Variants in AK8 observed in about 807,000 individuals in gnomAD.
The protein encoded by AK8 is ATP-AMP transphosphorylase 8.
A neutral mutation model predicts 54.6 loss-of-function variants in AK8; 44 were observed. That is an observed-to-expected ratio of 0.81 (90% CI 0.63 to 1.04). AK8 has a LOEUF of 1.04. Among genes scored for constraint, AK8 ranks in the 50% least tolerant of loss-of-function variants. The pLI, the probability that AK8 is intolerant of heterozygous loss-of-function variation, is 0.00. For missense variants in AK8, 555 were observed against 613.6 expected (o/e 0.90, Z 1.01); for synonymous variants, 239 against 245.6 (o/e 0.97, Z 0.25).
chr9:132,854,156 T>C (rs1175631016), intron 5 of AK8, among the ~76,000 whole-genome samples: 1 of 152,186 alleles, frequency 6.6e-6, no homozygotes, highest in Non-Finnish European at 1.5e-5. Flanking sequence ...GCTGTGATCA[T>C]GCCACTGGGG....
intron 11 of AK8, among the ~76,000 whole-genome samples, chr9:132,737,983 G>T (rs1014649945): frequency 2.0e-5 from 3 of 152,146 alleles, no homozygotes; most frequent in Non-Finnish European, 4.4e-5. Context: ...CCTTGTGGGC[G>T]CTGAGTCCTT....
chr9:132,823,133 G>A (rs1001474708), intron 9 of AK8, 72 bp downstream of exon 9: 29 of 1,486,066 alleles, frequency 2.0e-5, no homozygotes, highest in Non-Finnish European at 2.6e-5. Flanking sequence ...CATAAAATGA[G>A]AGCTGGGGAG....
chr9:132,750,004 T>TTGGAGATACTGACAGCACACTCC lies in AK8; in HGVS notation c.1122-22471_1122-22470insGGAGTGTGCTGTCAGTATCTCCA, dbSNP rs1336271616. 4.3e-4 allele frequency among the ~76,000 whole-genome samples: 65 copies of TTGGAGATACTGACAGCACACTCC among 150,818 alleles called. 1 individual carries two copies. The highest frequency in any genetic ancestry group is 3.4e-3 in the Middle Eastern group (1 of 294). On this transcript the variant is annotated intron_variant, in intron 11 of 12. Transcript: ENST00000298545. ...TCCTAGAGATACTGACAGCACACTC[T>TTGGAGATACTGACAGCACACTCC]TGGAGATACTGACAGCACACTTATA...
chr9:132,777,870 C>T (rs1417667224), intron 11 of AK8, among the ~76,000 whole-genome samples: 14 of 152,228 alleles, frequency 9.2e-5, no homozygotes, highest in South Asian at 2.1e-4. Flanking sequence ...CCCCAACACA[C>T]GCCCCACTTT....
At chr9:132,863,083 G>A (rs561151872) in intron 4 of AK8, among the ~76,000 whole-genome samples, 69 of 152,354 alleles carry the variant, frequency 4.5e-4, no homozygotes, top group African/African-American at 1.6e-3. Flanking sequence ...CGAGCTGTTG[G>A]TCTTTTAGAA....
At chr9:132,775,887 C>T (rs1158450827) in intron 11 of AK8, among the ~76,000 whole-genome samples, 2 of 152,232 alleles carry the variant, frequency 1.3e-5, no homozygotes, top group Non-Finnish European at 2.9e-5. Flanking sequence ...CAGAAAAATC[C>T]ATGAGGCTGC....
intron 11 of AK8, among the ~76,000 whole-genome samples, chr9:132,747,806 TAAG>T (rs772139551): frequency 3.4e-5 from 5 of 148,774 alleles, no homozygotes; most frequent in Non-Finnish European, 6.0e-5. Context: ...TTTCTACAAT[TAAG>T]AAAAACACTA....
chr9:132,850,053 CAT>C (rs1842910474), intron 5 of AK8, among the ~76,000 whole-genome samples: 5 of 131,590 alleles, frequency 3.8e-5, no homozygotes, highest in Middle Eastern at 0.01. Context: ...AACCCTAGTA[CAT>C]TTTTTTTTTT....
chr9:132,817,480 A>C (rs909580409), intron 9 of AK8, among the ~76,000 whole-genome samples: 1 of 152,210 alleles, frequency 6.6e-6, no homozygotes, highest in Non-Finnish European at 1.5e-5. Flanking sequence ...TTAAAACCTT[A>C]AAGGAAAAGA....
At chr9:132,758,805 T>G (rs932304726) in intron 11 of AK8, among the ~76,000 whole-genome samples, 7 of 152,088 alleles carry the variant, frequency 4.6e-5, no homozygotes, top group Non-Finnish European at 2.9e-5. Flanking sequence ...GGCCCTTGTG[T>G]TTTTTCTTTT....
chr9:132,809,488 C>T (rs1840894532), intron 10 of AK8, among the ~76,000 whole-genome samples: 1 of 152,186 alleles, frequency 6.6e-6, no homozygotes, highest in Non-Finnish European at 1.5e-5. Context: ...GCCCACAGTG[C>T]AGAGGAATTT....
chr9:132,863,822 A>C, intron 3 of AK8, 44 bp from the exon 4 acceptor site: 2 of 1,425,644 alleles, frequency 1.4e-6, no homozygotes, highest in Non-Finnish European at 2.0e-6. Context: ...TAAAAACAAT[A>C]AATACACAAA....
chr9:132,850,229 T>TC (rs890352464), intron 5 of AK8, among the ~76,000 whole-genome samples: 1 of 148,172 alleles, frequency 6.7e-6, no homozygotes, highest in African/African-American at 2.5e-5. Context: ...AATTTTTTTT[T>TC]TTTTTTTTGA....
intron 5 of AK8, among the ~76,000 whole-genome samples, chr9:132,841,629 C>A (rs1842550693): frequency 2.0e-5 from 3 of 152,202 alleles, no homozygotes; most frequent in African/African-American, 7.2e-5. Context: ...AAATGCCACA[C>A]TGACCTGGCC....
intron 8 of AK8, 39 bp from the exon 9 acceptor site, chr9:132,823,375 T>C (rs1365794235): frequency 6.2e-7 from 1 of 1,611,976 alleles, no homozygotes; most frequent in Non-Finnish European, 8.5e-7. Flanking sequence ...ACCCAGGTCC[T>C]AGAGAACAGG....
chr9:132,765,830 C>T (rs1196222439), intron 11 of AK8, among the ~76,000 whole-genome samples: 1 of 152,138 alleles, frequency 6.6e-6, no homozygotes, highest in East Asian at 1.9e-4. Flanking sequence ...TACTGTAAGT[C>T]CTTGCCAGAG....
chr9:132,812,549 T>TGAGCCGCCGCGCCCACTGGGATGACGGGG (rs1841099210), intron 10 of AK8, among the ~76,000 whole-genome samples: 2 of 140,356 alleles, frequency 1.4e-5, no homozygotes, highest in African/African-American at 5.3e-5. Flanking sequence ...GGATGACGGG[T>TGAGCCGCCGCGCCCACTGGGATGACGGGG]GAGCCGCCGC....
At chr9:132,878,669 G>T, upstream of AK8, 1 of 998,382 alleles carries the variant, frequency 1.0e-6, no homozygotes, top group Non-Finnish European at 1.2e-6. The surrounding 1 kb of genome is among the most constrained non-coding windows in gnomAD (Gnocchi z 4.7). Context: ...ACAGACGCGG[G>T]AATAAATGTG....
At chr9:132,859,150 G>A (rs1461362746) in intron 4 of AK8, among the ~76,000 whole-genome samples, 1 of 152,210 alleles carries the variant, frequency 6.6e-6, no homozygotes, top group Non-Finnish European at 1.5e-5. Flanking sequence ...GGAGACACCA[G>A]GCAGGACTGG....
Sources: allele counts gnomAD v4.1 joint callset (sites outside exome capture counted in the v4.1 genomes callset), GRCh38; gene constraint gnomAD v4.1.1; non-coding constraint Gnocchi (gnomAD v3.1); transcripts MANE v1.5; gene names NCBI Gene and HGNC (gene_info 2026-07-23, HGNC 2026-07-21).